The following TRIM14 variants were observed in gnomAD, a reference collection of about 807,000 sequenced individuals.
TRIM14 encodes tripartite motif-containing protein 14.
Under a neutral mutation model 44.5 loss-of-function variants are expected in TRIM14, and 28 were observed. The observed-to-expected ratio is 0.63, with a 90% CI of 0.47 to 0.86. TRIM14 has a LOEUF of 0.86. TRIM14 is among the 40% of genes least tolerant of loss of function. TRIM14 has a pLI of 0.00. For missense variants in TRIM14, 607 were observed against 611.1 expected, an observed-to-expected ratio of 0.99 and a Z score of 0.07; for synonymous variants, 299 against 269.2, an observed-to-expected ratio of 1.11 and a Z score of -1.08.
In TRIM14 at chr9:98,095,656, C is replaced by T. The variant is rs1311029034; in HGVS notation, c.538-627G>A. ...CTTCACTAAGGAGAAGCTAGAAAAC[C>T]CCCTCTCCCAGCTCCCTTTGCACCT... On this transcript the variant is annotated intron_variant, in intron 3 of 5. Coordinates refer to ENST00000341469, the MANE Select transcript of TRIM14 (RefSeq NM_014788.4). This position sits in a 1 kb window ranked among gnomAD's most constrained non-coding sequence, Gnocchi z 4.1. Among the ~76,000 whole-genome samples the T allele has an allele frequency of 1.3e-5, 2 of 152,184 alleles. No individual in the cohort carries two copies. Among genetic ancestry groups the T allele is most frequent in the Admixed American group, 6.5e-5 (1 of 15,282 alleles).
chr9:98,087,518 C>G lies in TRIM14; in HGVS notation c.1281G>C (p.Pro427=), dbSNP rs759275669. 3 of 1,597,868 alleles carry G rather than the reference C, an allele frequency of 1.9e-6. No homozygotes were observed. Among genetic ancestry groups the G allele is most frequent in the South Asian group, 2.2e-5 (2 of 89,958 alleles). ...FRATFQEPLY[P]ALRLWEGAIS... ...TGGCCCCCTCCCAGAGCCGCAGGGC[C>G]GGGTAGAGCGGCTCCTGGAACGTGG... is the stretch of plus-strand genomic sequence containing the variant. Residue 427 remains proline (P), a synonymous_variant, in exon 6 of 6, where the codon CCG becomes CCC. Transcript: ENST00000341469.
downstream of TRIM14, among the ~76,000 whole-genome samples, chr9:98,084,025 G>C (rs1168911379): frequency 6.6e-6 from 1 of 152,236 alleles, no homozygotes; most frequent in Non-Finnish European, 1.5e-5. Flanking sequence ...TAAGGAATAA[G>C]ATATGAGTAA....
chr9:98,081,244 A>C, downstream of TRIM14: 1 of 887,692 alleles, frequency 1.1e-6, no homozygotes, highest in Non-Finnish European at 1.7e-6. Flanking sequence ...TCTCTTCAGT[A>C]ATGCATGTCA....
chr9:98,080,790 G>GTTA, downstream of TRIM14: 1 of 1,549,088 alleles, frequency 6.5e-7, no homozygotes, highest in Non-Finnish European at 8.7e-7. Flanking sequence ...GATATTTAAT[G>GTTA]TTATTTTTCT....
chr9:98,038,939 A>G, the TRIM14 span, among the ~76,000 whole-genome samples: 1 of 152,132 alleles, frequency 6.6e-6, no homozygotes, highest in Non-Finnish European at 1.5e-5. Flanking sequence ...AGTCCCAGCT[A>G]CTGGGGAGGC....
rs1004383108 is a variant in TRIM14 at position 98,102,667 on chromosome 9, C to T, written c.304-2503G>A. 7.9e-5 allele frequency among the ~76,000 whole-genome samples: 12 copies of T among 152,140 alleles called. No individual in the cohort carries two copies. In the South Asian group the frequency reaches 1.2e-3, roughly 16 times the overall value. On this transcript the variant is annotated intron_variant, in intron 2 of 5. Coordinates refer to ENST00000341469, the MANE Select transcript of TRIM14 (RefSeq NM_014788.4). ...AGACAGAAAGTAGAGTCGACGTTAC[C>T]AAGGGCTGGGAGAGGGGAAATGGGG... is the stretch of plus-strand genomic sequence containing the variant.
At chr9:98,059,628 T>C in the TRIM14 span, among the ~76,000 whole-genome samples, 376 of 152,282 alleles carry the variant, frequency 2.5e-3, 3 homozygotes, top group African/African-American at 8.6e-3. Flanking sequence ...TTGCCGAGGC[T>C]GGTCTTGAAC....
chr9:98,081,177 C>A, downstream of TRIM14: 1 of 1,515,944 alleles, frequency 6.6e-7, no homozygotes. Flanking sequence ...CCTCCCTGAG[C>A]CAGGCTGATG....
At chr9:98,066,092 C>T (rs939261261), downstream of TRIM14, among the ~76,000 whole-genome samples, 5 of 152,166 alleles carry the variant, frequency 3.3e-5, no homozygotes, top group Non-Finnish European at 7.3e-5. Context: ...GTTGCTTCCC[C>T]AGGACACAGT....
At chr9:98,089,285 TCCTA>T (rs1825916153) in intron 5 of TRIM14, among the ~76,000 whole-genome samples, 1 of 152,108 alleles carries the variant, frequency 6.6e-6, no homozygotes, top group South Asian at 2.1e-4. Flanking sequence ...CAAGCGATTC[TCCTA>T]CCTAAGGCTC....
chr9:98,091,978 G>A lies in TRIM14; in HGVS notation c.724C>T (p.Pro242Ser), dbSNP rs1374561162. The A allele has an allele frequency of 6.2e-7, 1 of 1,610,504 alleles. No individual in the cohort carries two copies. Among genetic ancestry groups the A allele is most frequent in the Admixed American group, 1.7e-5 (1 of 59,914 alleles). Reference sequence around the variant, plus strand: ...AAGGTACCTGGCTTGGTGCTGGAAGGGTCTGAGAGCTGGCAGTTTATGCCT... The same window carrying A: ...AAGGTACCTGGCTTGGTGCTGGAAGAGTCTGAGAGCTGGCAGTTTATGCCT... Reference protein sequence around the residue: ...KESINCQLSDPSSTKPGTLLK... With the variant: ...KESINCQLSDSSSTKPGTLLK... Residue 242 changes from proline to serine, a missense_variant, in exon 5 of 6, where the codon CCT (proline) becomes TCT (serine). Physicochemically the swap from Pro to Ser is moderately conservative, Grantham distance 74 (BLOSUM62 -1). Coordinates refer to ENST00000341469, the MANE Select transcript of TRIM14 (RefSeq NM_014788.4).
At position 98,087,500 on chromosome 9, in the gene TRIM14, C is replaced by CT; in HGVS notation, c.1298dup (p.Ala435GlyfsTer74). ...GCAGCCGGGGGATGCTGATGGCCCC[C>CT]TCCCAGAGCCGCAGGGCCGGGTAGA... On this transcript the variant is annotated frameshift_variant, in exon 6 of 6. Transcript: ENST00000341469. LOFTEE classifies it high-confidence loss of function. 6.2e-7 allele frequency: 1 copy of CT among 1,600,730 alleles called. No individual in the cohort carries two copies.
downstream of TRIM14, among the ~76,000 whole-genome samples, chr9:98,067,367 G>A (rs1351791387): frequency 6.6e-6 from 1 of 152,182 alleles, no homozygotes. Flanking sequence ...ATTCCCGCCA[G>A]CAGGGTTTGA....
intron 2 of TRIM14, among the ~76,000 whole-genome samples, chr9:98,107,113 G>A (rs573426930): frequency 6.6e-6 from 1 of 152,154 alleles, no homozygotes; most frequent in Non-Finnish European, 1.5e-5. Flanking sequence ...GATTATGCAA[G>A]TTAAGATAAA....
downstream of TRIM14, chr9:98,083,058 A>G: frequency 6.2e-7 from 1 of 1,613,500 alleles, no homozygotes; most frequent in East Asian, 2.2e-5. Context: ...AGTCTTAAAA[A>G]TAAAGTGCCA....
chr9:98,087,935 C>T lies in TRIM14; in HGVS notation c.864G>A (p.Thr288=), dbSNP rs1247123717. The T allele has an allele frequency of 5.1e-6, 8 of 1,566,478 alleles. No homozygotes were observed. The highest frequency in any genetic ancestry group is 6.9e-6 in the Non-Finnish European group (8 of 1,166,628). Residue 288 remains threonine (T), a synonymous_variant, in exon 6 of 6, where the codon ACG becomes ACA. Coordinates refer to ENST00000341469, the MANE Select transcript of TRIM14 (RefSeq NM_014788.4). The part of the protein sequence containing the change: ...ARLRLSADRL[T]VRCGLLGSLG... The stretch of plus-strand genomic sequence containing the variant: ...GGCTGCCCAGCAGGCCGCAGCGCAC[C>T]GTCAGGCGATCGGCGGACAGGCGCA...
intron 1 of TRIM14, among the ~76,000 whole-genome samples, chr9:98,117,409 T>C (rs749247269): frequency 1.3e-5 from 2 of 152,128 alleles, no homozygotes; most frequent in Non-Finnish European, 1.5e-5. Flanking sequence ...GCGATTCTCA[T>C]GCCTCAGCCT....
chr9:98,073,270 G>GC (rs1564161438), intron 6 of TRIM14, among the ~76,000 whole-genome samples: 17 of 105,000 alleles, frequency 1.6e-4, no homozygotes, highest in South Asian at 3.2e-4. Context: ...ATCACCATGG[G>GC]CTTTTTTTTT....
At chr9:98,114,475 A>C (rs1026097318) in intron 1 of TRIM14, among the ~76,000 whole-genome samples, 1 of 152,110 alleles carries the variant, frequency 6.6e-6, no homozygotes, top group Admixed American at 6.6e-5. Flanking sequence ...CTGGGACTAC[A>C]GGTGCCCGCC....
Sources: allele counts gnomAD v4.1 joint callset (sites outside exome capture counted in the v4.1 genomes callset), GRCh38; gene constraint gnomAD v4.1.1; non-coding constraint Gnocchi (gnomAD v3.1); transcripts MANE v1.5; gene names NCBI Gene and HGNC (gene_info 2026-07-23, HGNC 2026-07-21).